The following GPR137C variants were observed in gnomAD, a reference collection of about 807,000 sequenced individuals.
GPR137C encodes G protein-coupled receptor 137C, also known as integral membrane protein GPR137C.
A neutral mutation model predicts 43.4 loss-of-function variants in GPR137C; 27 were observed. The observed-to-expected ratio is 0.62, with a 90% CI of 0.46 to 0.86. The LOEUF (loss-of-function observed/expected upper bound fraction) is 0.86, where lower values mean the gene tolerates loss of function less well. GPR137C is among the 40% of genes least tolerant of loss of function. The probability of loss-of-function intolerance (pLI) is 0.00; values close to 1 mark genes in which losing one functional copy is unlikely to be tolerated. For synonymous variants in GPR137C, 285 were observed against 226.9 expected, an observed-to-expected ratio of 1.26 and a Z score of -2.30; for missense variants, 522 against 534.6, an observed-to-expected ratio of 0.98 and a Z score of 0.23.
At chr14:52,556,207 T>C (rs1163301238) in intron 1 of GPR137C, among the ~76,000 whole-genome samples, 1 of 152,164 alleles carries the variant, frequency 6.6e-6, no homozygotes, top group Non-Finnish European at 1.5e-5. Flanking sequence ...CCATATTACT[T>C]TTCACTTGTT....
intron 3 of GPR137C, among the ~76,000 whole-genome samples, chr14:52,624,380 C>T (rs1200334354): frequency 1.3e-5 from 2 of 151,942 alleles, no homozygotes; most frequent in African/African-American, 4.8e-5. Context: ...AAATGAGTGA[C>T]TCAAGTTTCT....
intron 3 of GPR137C, among the ~76,000 whole-genome samples, chr14:52,623,995 C>A (rs911877674): frequency 1.3e-5 from 2 of 151,814 alleles, no homozygotes; most frequent in African/African-American, 4.8e-5. Context: ...ATCCACTAAG[C>A]AACAATTCCC....
At chr14:52,606,519 G>T (rs2038985144) in intron 3 of GPR137C, among the ~76,000 whole-genome samples, 1 of 151,998 alleles carries the variant, frequency 6.6e-6, no homozygotes, top group South Asian at 2.1e-4. Context: ...GCTCACTACA[G>T]CCTGGACCTC....
intron 1 of GPR137C, among the ~76,000 whole-genome samples, chr14:52,594,635 G>A (rs2038828663): frequency 6.6e-6 from 1 of 152,042 alleles, no homozygotes; most frequent in African/African-American, 2.4e-5. Flanking sequence ...GACTATGATT[G>A]CAACCCCTGC....
intron 3 of GPR137C, among the ~76,000 whole-genome samples, chr14:52,606,692 T>C (rs2038987081): frequency 6.6e-6 from 1 of 152,202 alleles, no homozygotes; most frequent in South Asian, 2.1e-4. Context: ...TTGAGTCTTC[T>C]CTTTTTGTTA....
At chr14:52,609,107 A>G (rs971573302) in intron 3 of GPR137C, among the ~76,000 whole-genome samples, 1 of 151,616 alleles carries the variant, frequency 6.6e-6, no homozygotes, top group Non-Finnish European at 1.5e-5. Flanking sequence ...AGCTTTCTTC[A>G]TTTCTTTTTT....
At chr14:52,614,446 T>G (rs1284064500) in intron 3 of GPR137C, among the ~76,000 whole-genome samples, 3 of 152,178 alleles carry the variant, frequency 2.0e-5, no homozygotes, top group Non-Finnish European at 4.4e-5. Flanking sequence ...CATTCATAAG[T>G]CTTCTTTTGA....
chr14:52,635,320 G>A lies in GPR137C; in HGVS notation c.*205G>A, dbSNP rs1163683814. 4.7e-6 allele frequency: 2 copies of A among 426,064 alleles called. No individual in the cohort carries two copies. Among genetic ancestry groups the A allele is most frequent in the African/African-American group, 4.2e-5 (2 of 47,966 alleles). The allele number at this position is 426,064 out of a possible 1,614,324, so 26.4% of individuals were successfully genotyped here. ...GTAAAATGGAAAGTTTGGAGTAGGA[G>A]AAAAGAGAGATTAGATCTTAAGGCA... On this transcript the variant is annotated 3_prime_UTR_variant, in exon 7 of 7. Coordinates refer to ENST00000321662, the MANE Select transcript of GPR137C (RefSeq NM_001099652.2).
At chr14:52,557,190 C>T (rs567689307) in intron 1 of GPR137C, among the ~76,000 whole-genome samples, 3 of 152,224 alleles carry the variant, frequency 2.0e-5, no homozygotes, top group East Asian at 3.9e-4. Flanking sequence ...ATATTTTTAT[C>T]TCCAGCAACT....
chr14:52,563,518 C>G (rs2038318584), intron 1 of GPR137C, among the ~76,000 whole-genome samples: 1 of 152,082 alleles, frequency 6.6e-6, no homozygotes, highest in East Asian at 1.9e-4. Context: ...CACAGTTCTG[C>G]CTGTAATCCC....
intron 1 of GPR137C, among the ~76,000 whole-genome samples, chr14:52,577,544 T>A (rs1218078444): frequency 8.9e-6 from 1 of 111,834 alleles, no homozygotes; most frequent in African/African-American, 3.4e-5. Flanking sequence ...ACACACACGA[T>A]CAATGAAATG....
intron 1 of GPR137C, among the ~76,000 whole-genome samples, chr14:52,571,314 A>G (rs10150768): frequency 0.13 from 20,216 of 152,176 alleles, 1,417 homozygotes; most frequent in Non-Finnish European, 0.15. Context: ...TCATACCAGA[A>G]TCTCTGGGAC....
Position 52,600,163 on chromosome 14 carries a change from T to C in GPR137C, c.539T>C (p.Val180Ala). 1 of 1,613,994 alleles carries C rather than the reference T, an allele frequency of 6.2e-7. No individual in the cohort carries two copies. Among genetic ancestry groups the C allele is most frequent in the Non-Finnish European group, 8.5e-7 (1 of 1,179,864 alleles). Residue 180 changes from valine to alanine, a missense_variant, in exon 3 of 7, where the codon GTG becomes GCG. Val to Ala is a moderately conservative substitution (Grantham distance 64, BLOSUM62 0). This residue lies in a region of GPR137C where 437 missense variants were observed against 425.7 expected (regional missense o/e 1.03). Coordinates refer to ENST00000321662, the MANE Select transcript of GPR137C (RefSeq NM_001099652.2). ...ATGGCAAGCCTGCTCTTTTTAGTGG[T>C]GAACTTGACTTGCGCAATGCTAGTT... is the stretch of plus-strand genomic sequence containing the variant. ...FIMASLLFLVVNLTCAMLVHG... is the reference protein window; with the variant it reads ...FIMASLLFLVANLTCAMLVHG...
At chr14:52,633,489 A>C in intron 4 of GPR137C, 41 bp from the exon 5 acceptor site, 2 of 1,593,150 alleles carry the variant, frequency 1.3e-6, no homozygotes, top group Non-Finnish European at 1.7e-6. Flanking sequence ...TGCTTATACA[A>C]TAAACAGATG....
At chr14:52,612,924 A>G (rs2039054094) in intron 3 of GPR137C, 3 of 151,750 alleles carry the variant, frequency 2.0e-5, no homozygotes, top group Admixed American at 2.0e-4. Flanking sequence ...GTGGGTGATT[A>G]TAAGGTATAT....
chr14:52,579,025 C>CTGAACTATT (rs2139479733), intron 1 of GPR137C, among the ~76,000 whole-genome samples: 1 of 151,898 alleles, frequency 6.6e-6, no homozygotes, highest in African/African-American at 2.4e-5. Flanking sequence ...GGTGATCTGG[C>CTGAACTATT]TGAACTATTT....
At chr14:52,592,516 G>A (rs1263505962) in intron 1 of GPR137C, among the ~76,000 whole-genome samples, 1 of 152,114 alleles carries the variant, frequency 6.6e-6, no homozygotes, top group East Asian at 1.9e-4. Context: ...TTGAGCAGTG[G>A]TTTGTAGTTC....
intron 3 of GPR137C, among the ~76,000 whole-genome samples, chr14:52,604,700 G>T (rs967800820): frequency 6.6e-6 from 1 of 152,078 alleles, no homozygotes; most frequent in African/African-American, 2.4e-5. Flanking sequence ...CACCTGCCTT[G>T]GCCTCCCAAA....
chr14:52,633,727 A>G (rs1360349382), intron 5 of GPR137C, 72 bp downstream of exon 5: 3 of 1,570,724 alleles, frequency 1.9e-6, no homozygotes, highest in Non-Finnish European at 1.7e-6. Flanking sequence ...TTGATTTTCT[A>G]TTTTTGGCAA....
Sources: gnomAD v4.1 joint callset for allele counts (sites outside exome capture counted in the v4.1 genomes callset) on GRCh38, gnomAD v4.1.1 for gene constraint, gnomAD v4.1.1 regional missense constraint, MANE v1.5 for transcripts, NCBI Gene and HGNC (gene_info 2026-07-23, HGNC 2026-07-21) for gene names.